The following GLI2 variants were observed in gnomAD, a reference collection of about 807,000 sequenced individuals.
The protein encoded by GLI2 is GLI family zinc finger 2.
A neutral mutation model predicts 78.9 loss-of-function variants in GLI2; 22 were observed. That is an observed-to-expected ratio of 0.28 (90% CI 0.20 to 0.40). GLI2 has a LOEUF of 0.40. Ranked by LOEUF, GLI2 falls within the 10% of genes least tolerant of loss-of-function variation. The pLI, the probability that GLI2 is intolerant of heterozygous loss-of-function variation, is 1.00. For missense variants in GLI2, 2,097 were observed against 2,213.2 expected (o/e 0.95, Z 1.05); for synonymous variants, 974 against 963.7 (o/e 1.01, Z -0.20).
chr2:120,837,949 T>C (rs1389290885), intron 2 of GLI2, among the ~76,000 whole-genome samples: 1 of 152,234 alleles, frequency 6.6e-6, no homozygotes, highest in East Asian at 1.9e-4. Context: ...CTCTTTCAAA[T>C]GGTCTTGGCT....
chr2:120,947,007 G>T (rs1363991191), intron 3 of GLI2, among the ~76,000 whole-genome samples: 4 of 152,246 alleles, frequency 2.6e-5, no homozygotes, highest in African/African-American at 9.6e-5. Context: ...TAGTGGGGTT[G>T]GGGGGTTCCA....
intron 2 of GLI2, among the ~76,000 whole-genome samples, chr2:120,907,832 G>A (rs1195407536): frequency 2.6e-5 from 4 of 152,320 alleles, no homozygotes; most frequent in South Asian, 2.1e-4. Flanking sequence ...GCCTACAACC[G>A]TGCCCGCAGG....
Position 120,919,846 on chromosome 2 carries a change from G to A in GLI2, c.149-7515G>A, listed in dbSNP as rs1035849534. Among the ~76,000 whole-genome samples, 9 of 152,346 alleles carry A rather than the reference G, an allele frequency of 5.9e-5. No homozygotes were observed. The South Asian group carries it at 8.3e-4, about 14-fold the overall frequency. On this transcript the variant is annotated intron_variant, in intron 2 of 13. Transcript: ENST00000361492. Reference sequence around the variant, plus strand: ...GCCTCCTACATGGTGACCCTGGAGCGGCCAATTGCCCAAGAAGGATGGGGA... The same window carrying A: ...GCCTCCTACATGGTGACCCTGGAGCAGCCAATTGCCCAAGAAGGATGGGGA...
intron 2 of GLI2, 134 bp from the exon 3 acceptor site, chr2:120,927,227 G>T (rs1033945200): frequency 6.6e-6 from 5 of 761,656 alleles, no homozygotes; most frequent in Middle Eastern, 2.4e-4. Context: ...GTGTGTGATC[G>T]CGCGGGCACT....
In GLI2 at chr2:120,927,603, A is replaced by G. The variant is rs913944358; in HGVS notation, c.254+137A>G. The G allele has an allele frequency of 4.3e-5, 32 of 743,550 alleles. No individual in the cohort carries two copies. In the Admixed American group the frequency reaches 5.8e-4, roughly 14 times the overall value. 46.1% of individuals were successfully genotyped at this position (743,550 alleles called of 1,614,324 possible). On this transcript the variant is annotated intron_variant, in intron 3 of 13. Coordinates refer to ENST00000361492, the MANE Select transcript of GLI2 (RefSeq NM_001374353.1). ...TGATCTACATTGTCCTGAGCGGGCG[A>G]TCACCTTTGCTATCATGGCCTGGGA...
At chr2:120,975,694 C>T (rs574289390) in intron 9 of GLI2, among the ~76,000 whole-genome samples, 14 of 152,250 alleles carry the variant, frequency 9.2e-5, no homozygotes, top group East Asian at 5.8e-4. Context: ...CCATGGGAGC[C>T]GGCGAGACCT....
At chr2:120,935,161 G>A (rs986505997) in intron 3 of GLI2, among the ~76,000 whole-genome samples, 9 of 152,290 alleles carry the variant, frequency 5.9e-5, no homozygotes, top group South Asian at 2.1e-4. Flanking sequence ...GGAGACTTCC[G>A]AAAGGCATGT....
intron 2 of GLI2, among the ~76,000 whole-genome samples, chr2:120,823,055 C>A (rs1231478037): frequency 9.0e-6 from 1 of 111,652 alleles, no homozygotes; most frequent in Non-Finnish European, 1.8e-5. Flanking sequence ...GACATCCCAA[C>A]AGGGAACCTG....
intron 2 of GLI2, among the ~76,000 whole-genome samples, chr2:120,810,618 T>A (rs761908413): frequency 5.9e-5 from 9 of 152,104 alleles, no homozygotes; most frequent in Non-Finnish European, 1.2e-4. Context: ...ATAGGGGCGC[T>A]TGGAAGGGAT....
intron 1 of GLI2, among the ~76,000 whole-genome samples, chr2:120,766,640 C>T (rs1683375103): frequency 6.6e-6 from 1 of 152,224 alleles, no homozygotes; most frequent in Non-Finnish European, 1.5e-5. Flanking sequence ...CTCAGACTGG[C>T]CTGGTGGCAT....
At chr2:120,841,052 G>A (rs1489957568) in intron 2 of GLI2, among the ~76,000 whole-genome samples, 1 of 152,188 alleles carries the variant, frequency 6.6e-6, no homozygotes, top group East Asian at 1.9e-4. Context: ...AGGGCCTTTA[G>A]TTTCCCTTGT....
At chr2:120,897,650 G>C (rs1558866582) in intron 2 of GLI2, among the ~76,000 whole-genome samples, 1 of 151,366 alleles carries the variant, frequency 6.6e-6, no homozygotes, top group Non-Finnish European at 1.5e-5. Context: ...AATTTTCTTA[G>C]ATACTCACAT....
At chr2:120,755,137 C>G (rs563813186) in intron 1 of GLI2, among the ~76,000 whole-genome samples, 1 of 152,340 alleles carries the variant, frequency 6.6e-6, no homozygotes, top group East Asian at 1.9e-4. Flanking sequence ...AGGCATGAGA[C>G]ACCACACACA....
At chr2:120,945,000 C>G (rs928085842) in intron 3 of GLI2, among the ~76,000 whole-genome samples, 1 of 152,232 alleles carries the variant, frequency 6.6e-6, no homozygotes, top group Non-Finnish European at 1.5e-5. Context: ...TTCCCCTAAC[C>G]ACCATGCTGA....
At chr2:120,828,911 C>CTGAAAGG (rs1308863995) in intron 2 of GLI2, among the ~76,000 whole-genome samples, 1 of 145,408 alleles carries the variant, frequency 6.9e-6, no homozygotes, top group Non-Finnish European at 1.5e-5. Flanking sequence ...CACAATTTCT[C>CTGAAAGG]TGAAAGGTCC....
At chr2:120,905,871 C>T (rs1027460615) in intron 2 of GLI2, among the ~76,000 whole-genome samples, 1 of 151,782 alleles carries the variant, frequency 6.6e-6, no homozygotes. Flanking sequence ...TACACTGCCC[C>T]CCCCCCGCCC....
At position 120,990,322 on chromosome 2, in the gene GLI2, C is replaced by T. The variant is rs867533231; in HGVS notation, c.4357C>T (p.Arg1453Trp). Residue 1453 changes from arginine (R) to tryptophan (W), a missense_variant, in exon 14 of 14, where the codon CGG becomes TGG. Around this residue, in one of 5 missense-constraint regions of GLI2, gnomAD observed 1,290 missense variants for 1,261.7 expected, o/e 1.02. Transcript: ENST00000361492. Reference sequence around the variant, plus strand: ...GAACCTCGGGAGCTGCCAGGTCATGCGGTCCCAGCCACCACAGCCACAGGC... The same window carrying T: ...GAACCTCGGGAGCTGCCAGGTCATGTGGTCCCAGCCACCACAGCCACAGGC... ...LENLGSCQVM[R>W]SQPPQPQACQ... 4.3e-6 allele frequency: 7 copies of T among 1,613,796 alleles called. No homozygotes were observed. Among genetic ancestry groups the T allele is most frequent in the African/African-American group, 1.3e-5 (1 of 75,060 alleles).
At chr2:120,885,772 A>G (rs1204050910) in intron 2 of GLI2, among the ~76,000 whole-genome samples, 2 of 152,164 alleles carry the variant, frequency 1.3e-5, no homozygotes, top group African/African-American at 4.8e-5. Flanking sequence ...TTGGAGGATG[A>G]CAGACACAGG....
chr2:120,836,239 C>T (rs1303231071), intron 2 of GLI2, among the ~76,000 whole-genome samples: 1 of 152,148 alleles, frequency 6.6e-6, no homozygotes, highest in Non-Finnish European at 1.5e-5. Context: ...GTTTGTCATC[C>T]CTCTGGCATA....
Sources: gnomAD v4.1 joint callset for allele counts (sites outside exome capture counted in the v4.1 genomes callset) on GRCh38, gnomAD v4.1.1 for gene constraint, gnomAD v4.1.1 regional missense constraint, MANE v1.5 for transcripts, NCBI Gene and HGNC (gene_info 2026-07-23, HGNC 2026-07-21) for gene names.